Variants in TMEM67 observed in about 807,000 individuals in gnomAD.
TMEM67 encodes meckelin.
A neutral mutation model predicts 136.6 loss-of-function variants in TMEM67; 124 were observed. The ratio of observed to expected loss-of-function variants is 0.91; its 90% CI spans 0.78 to 1.05. The LOEUF (loss-of-function observed/expected upper bound fraction) is 1.05, where lower values mean the gene tolerates loss of function less well. Ranked by LOEUF, TMEM67 falls within the 50% of genes least tolerant of loss-of-function variation. The probability of loss-of-function intolerance (pLI) is 0.00; values close to 1 mark genes in which losing one functional copy is unlikely to be tolerated. For missense variants in TMEM67, 1,107 were observed against 1,178.4 expected (o/e 0.94, Z 0.89); for synonymous variants, 364 against 390.5 (o/e 0.93, Z 0.80).
chr8:93,796,058 A>G, intron 18 of TMEM67, 71 bp downstream of exon 18: 1 of 1,006,632 alleles, frequency 9.9e-7, no homozygotes, highest in South Asian at 1.4e-5. Flanking sequence ...TAAAATTAAA[A>G]TGCTTTCAAA....
intron 2 of TMEM67, among the ~76,000 whole-genome samples, chr8:93,757,635 C>CA (rs879794660): frequency 0.015 from 1,387 of 93,794 alleles, 20 homozygotes; most frequent in African/African-American, 0.043. Context: ...GACTCTGTCT[C>CA]AAAAAAAAAA....
intron 23 of TMEM67, among the ~76,000 whole-genome samples, chr8:93,806,736 C>T (rs551541694): frequency 6.6e-6 from 1 of 151,854 alleles, no homozygotes; most frequent in Non-Finnish European, 1.5e-5. Context: ...ATAGAAATTA[C>T]CTTGTGATTA....
rs770492375 is a variant in TMEM67 at position 93,809,802 on chromosome 8, T to C, written c.2679T>C (p.Asp893=). ...SFIDHVHKEM[D]YFIKDKLLLE... ...TTTATTAGGTTCATAAGGAAATGGA[T>C]TACTTTATAAAAGATAAGTTGCTTC... The change falls in exon 26 of 28, where the codon GAT becomes GAC. Residue 893 remains aspartate (D), a synonymous_variant. Transcript: ENST00000453321. The C allele has an allele frequency of 6.3e-7, 1 of 1,585,754 alleles. No individual in the cohort carries two copies. Among genetic ancestry groups the C allele is most frequent in the Non-Finnish European group, 8.7e-7 (1 of 1,154,844 alleles).
intron 12 of TMEM67, chr8:93,785,893 A>G: frequency 3.1e-6 from 1 of 321,446 alleles, no homozygotes; most frequent in Non-Finnish European, 5.9e-6. Flanking sequence ...AGGCAACATA[A>G]TTAGAACTGG....
In TMEM67 at chr8:93,795,257, G is replaced by A. The variant is rs1412095745; in HGVS notation, c.1675-152G>A. The A allele has an allele frequency of 5.6e-6, 4 of 711,534 alleles. No homozygotes were observed. In the Admixed American group the frequency reaches 6.4e-5, roughly 11 times the overall value. 44.1% of individuals were successfully genotyped at this position (711,534 alleles called of 1,614,324 possible). On this transcript the variant is annotated intron_variant, in intron 16 of 27. Coordinates refer to ENST00000453321, the MANE Select transcript of TMEM67 (RefSeq NM_153704.6). ...AAAAGGTAGCAAGGAGGAGGAAGCA[G>A]GTGGTCTTTATAGCTGGATCATATG...
chr8:93,781,551 ATG>A lies in TMEM67; in HGVS notation c.979-105_979-104del, dbSNP rs1813827920. Reference sequence around the variant, plus strand: ...TGAACCTCAAAATAAAGATAATTGAATGTAATTTTTCAACAAAAAAGATCAGT... The same window carrying A: ...TGAACCTCAAAATAAAGATAATTGAATAATTTTTCAACAAAAAAGATCAGT... On this transcript the variant is annotated intron_variant, in intron 9 of 27. Transcript: ENST00000453321. 4 of 544,468 alleles carry A rather than the reference ATG, an allele frequency of 7.3e-6. No individual in the cohort carries two copies. In the East Asian group the frequency reaches 1.2e-4, roughly 16 times the overall value. 33.7% of individuals were successfully genotyped at this position (544,468 alleles called of 1,614,324 possible).
chr8:93,808,075 C>G (rs1019920475), intron 23 of TMEM67, among the ~76,000 whole-genome samples: 1 of 151,366 alleles, frequency 6.6e-6, no homozygotes, highest in African/African-American at 2.4e-5. Flanking sequence ...AACTCCAAAG[C>G]AAGACCTTTC....
intron 2 of TMEM67, chr8:93,756,136 C>A: frequency 3.1e-6 from 1 of 321,862 alleles, no homozygotes; most frequent in Non-Finnish European, 5.7e-6. Context: ...TAGAATAACT[C>A]GGTTATGAAG....
intron 13 of TMEM67, among the ~76,000 whole-genome samples, chr8:93,787,197 G>A (rs7827995): frequency 0.014 from 2,165 of 151,438 alleles, 57 homozygotes; most frequent in African/African-American, 0.05. Context: ...CTAATGCATC[G>A]AATTTGGCAA....
intron 13 of TMEM67, 41 bp downstream of exon 13, chr8:93,786,387 A>G (rs768807225): frequency 1.4e-5 from 22 of 1,603,510 alleles, no homozygotes; most frequent in Non-Finnish European, 1.9e-5. Context: ...GGAAAATATC[A>G]TAATGGAAGT....
At chr8:93,763,648 A>G (rs1001538397) in intron 3 of TMEM67, among the ~76,000 whole-genome samples, 194 bp from the exon 4 acceptor site, 7 of 152,104 alleles carry the variant, frequency 4.6e-5, no homozygotes, top group African/African-American at 7.2e-5. Context: ...TTTTGGAGGC[A>G]TGGACGGGTA....
intron 3 of TMEM67, chr8:93,759,936 C>T: frequency 1.3e-6 from 2 of 1,535,140 alleles, no homozygotes; most frequent in South Asian, 2.5e-5. Flanking sequence ...GCTTGAGCCA[C>T]CGCACCTGAC....
At chr8:93,791,171 G>A in intron 14 of TMEM67, 92 bp from the exon 15 acceptor site, 1 of 861,570 alleles carries the variant, frequency 1.2e-6, no homozygotes, top group East Asian at 2.7e-5. Context: ...AGTGTTTATG[G>A]TAAAACCCAG....
intron 3 of TMEM67, among the ~76,000 whole-genome samples, chr8:93,762,794 A>T (rs1812908126): frequency 6.6e-6 from 1 of 152,108 alleles, no homozygotes; most frequent in Non-Finnish European, 1.5e-5. Flanking sequence ...TATTATAAGG[A>T]TCTACACTAT....
At chr8:93,794,329 A>G (rs1814514558) in intron 16 of TMEM67, among the ~76,000 whole-genome samples, 1 of 152,152 alleles carries the variant, frequency 6.6e-6, no homozygotes, top group Non-Finnish European at 1.5e-5. Flanking sequence ...TTAACTTTAT[A>G]CTTTCACTTC....
chr8:93,825,153 T>C, the TMEM67 span, among the ~76,000 whole-genome samples: 244 of 152,350 alleles, frequency 1.6e-3, no homozygotes, highest in African/African-American at 5.5e-3. Context: ...ATACAGTACG[T>C]CATTATGACT....
intron 20 of TMEM67, among the ~76,000 whole-genome samples, chr8:93,798,125 T>G (rs1328801232): frequency 6.6e-6 from 1 of 152,254 alleles, no homozygotes; most frequent in South Asian, 2.1e-4. Flanking sequence ...CATTCCCTGC[T>G]ACACCTAACC....
intron 3 of TMEM67, chr8:93,759,984 G>T (rs1480136996): frequency 6.6e-7 from 1 of 1,523,480 alleles, no homozygotes; most frequent in African/African-American, 1.4e-5. Context: ...CAACATAATT[G>T]AAGAAATTTG....
the TMEM67 span, among the ~76,000 whole-genome samples, chr8:93,825,143 ATACAG>A: frequency 1.3e-5 from 2 of 152,260 alleles, no homozygotes; most frequent in African/African-American, 2.4e-5. Flanking sequence ...TGTACAAAGA[ATACAG>A]TACGTCATTA....
Sources: gnomAD v4.1 joint callset for allele counts (sites outside exome capture counted in the v4.1 genomes callset) on GRCh38, gnomAD v4.1.1 for gene constraint, MANE v1.5 for transcripts, NCBI Gene and HGNC (gene_info 2026-07-23, HGNC 2026-07-21) for gene names.